The following CLDN10 variants were observed in gnomAD, a reference collection of about 807,000 sequenced individuals.
The protein encoded by CLDN10 is claudin-10.
In CLDN10, 15 loss-of-function variants were observed where a neutral mutation model predicts 22.9. The ratio of observed to expected loss-of-function variants is 0.65; its 90% CI spans 0.44 to 1.01. The LOEUF (loss-of-function observed/expected upper bound fraction) is 1.01. Among genes scored for constraint, CLDN10 ranks in the 50% least tolerant of loss-of-function variants. The pLI is 0.00. For missense variants in CLDN10, 247 were observed against 287.8 expected (o/e 0.86, Z 1.03); for synonymous variants, 114 against 111.4 (o/e 1.02, Z -0.15).
chr13:95,541,675 G>T (rs1594599457), intron 1 of CLDN10, among the ~76,000 whole-genome samples: 1 of 152,122 alleles, frequency 6.6e-6, no homozygotes, highest in East Asian at 1.9e-4. Context: ...TCACTTTTTA[G>T]ACGGGAAAAA....
chr13:95,535,740 T>C (rs1423400389), intron 1 of CLDN10, among the ~76,000 whole-genome samples: 4 of 151,688 alleles, frequency 2.6e-5, no homozygotes, highest in African/African-American at 7.3e-5. Flanking sequence ...GGAAAGACTG[T>C]GATGTGAAAA....
At chr13:95,528,388 G>GA (rs2043307303) in intron 1 of CLDN10, 1 of 152,256 alleles carries the variant, frequency 6.6e-6, no homozygotes, top group Non-Finnish European at 1.5e-5. Flanking sequence ...CCAGCCATGT[G>GA]GAACTGAGAA....
chr13:95,551,748 C>T (rs2043568962), upstream of CLDN10, among the ~76,000 whole-genome samples: 1 of 152,180 alleles, frequency 6.6e-6, no homozygotes, highest in Non-Finnish European at 1.5e-5. Flanking sequence ...TGTCCTTGTT[C>T]TCTCATTTAT....
At chr13:95,560,998 G>A (rs1442765216) in intron 3 of CLDN10, 1 of 153,026 alleles carries the variant, frequency 6.5e-6, no homozygotes, top group African/African-American at 2.4e-5. Flanking sequence ...TTACCCAAAT[G>A]TGGCTGGTCA....
At chr13:95,542,877 C>T (rs2043473313) in intron 1 of CLDN10, among the ~76,000 whole-genome samples, 1 of 152,130 alleles carries the variant, frequency 6.6e-6, no homozygotes, top group South Asian at 2.1e-4. Context: ...ATGGTAAAAA[C>T]TCACACTCAC....
intron 1 of CLDN10, among the ~76,000 whole-genome samples, chr13:95,499,129 T>C (rs1014206403): frequency 6.6e-6 from 1 of 152,244 alleles, no homozygotes; most frequent in Non-Finnish European, 1.5e-5. Flanking sequence ...AATCCGTCCA[T>C]GCCAGGAATA....
chr13:95,492,497 C>T (rs950649905), intron 1 of CLDN10, among the ~76,000 whole-genome samples: 3 of 152,028 alleles, frequency 2.0e-5, no homozygotes, highest in South Asian at 2.1e-4. Context: ...ACCGAAGGGT[C>T]GGCCTCACTC....
rs1161355669 is a variant in CLDN10, at chr13:95,579,464, A to AG, written c.*1451dup. The AG allele has an allele frequency of 6.6e-6, 1 of 152,258 alleles. No homozygotes were observed. Among genetic ancestry groups the AG allele is most frequent in the African/African-American group, 2.4e-5 (1 of 41,476 alleles). The allele number at this position is 152,258 out of a possible 1,614,324, so 9.4% of individuals were successfully genotyped here. A position where few individuals can be genotyped will look rare whatever the true frequency, so the allele number is the denominator to read the frequency against. On this transcript the variant is annotated 3_prime_UTR_variant, in exon 5 of 5. Coordinates refer to ENST00000299339, the MANE Select transcript of CLDN10 (RefSeq NM_006984.5). ...GTTTTCATCCTGCATTTACAGAAAA[A>AG]GAAATGAAAACAGAGAGCTTAAATA...
chr13:95,440,121 C>T (rs951403382), intron 1 of CLDN10, among the ~76,000 whole-genome samples: 1 of 151,886 alleles, frequency 6.6e-6, no homozygotes, highest in Non-Finnish European at 1.5e-5. Context: ...ACTATGTTGG[C>T]CAGGCTGGTC....
intron 1 of CLDN10, among the ~76,000 whole-genome samples, chr13:95,475,620 G>A (rs1302439923): frequency 2.0e-5 from 3 of 152,324 alleles, no homozygotes; most frequent in East Asian, 3.9e-4. Context: ...CTGGGCCCCT[G>A]GTGAGGGTGA....
Position 95,517,030 on chromosome 13 carries a change from C to T in CLDN10, c.215-43102C>T, listed in dbSNP as rs1273214659. 7.4e-5 allele frequency among the ~76,000 whole-genome samples: 11 copies of T among 148,650 alleles called. 1 individual carries two copies. In the Admixed American group the frequency reaches 7.4e-4, roughly 10 times the overall value. On this transcript the variant is annotated intron_variant, in intron 1 of 4. Transcript: ENST00000376873. ...TCCTTCCTTCCTTCCTTCCTCCCTC[C>T]CTCTCTCCCTTTTTTCTTTCTCTCT... is the stretch of plus-strand genomic sequence containing the variant.
At chr13:95,549,896 T>C (rs2043546356), upstream of CLDN10, among the ~76,000 whole-genome samples, 1 of 152,242 alleles carries the variant, frequency 6.6e-6, no homozygotes, top group Admixed American at 6.5e-5. Flanking sequence ...TGTGTTGCAA[T>C]CTCTACAGTA....
intron 1 of CLDN10, among the ~76,000 whole-genome samples, chr13:95,511,648 T>A (rs1337057932): frequency 1.1e-4 from 17 of 151,554 alleles, no homozygotes; most frequent in African/African-American, 4.1e-4. Context: ...TGGTTTTTGT[T>A]TGTTTGTGTT....
intron 1 of CLDN10, among the ~76,000 whole-genome samples, chr13:95,500,077 CA>C (rs147492410): frequency 0.077 from 11,796 of 152,240 alleles, 499 homozygotes; most frequent in Non-Finnish European, 0.086. Context: ...ACCCACCTAC[CA>C]ATTCATGTAG....
At chr13:95,554,527 G>A (rs1347499952) in intron 1 of CLDN10, among the ~76,000 whole-genome samples, 2 of 152,168 alleles carry the variant, frequency 1.3e-5, no homozygotes, top group African/African-American at 2.4e-5. Flanking sequence ...CGGGAGTGAA[G>A]AGGAAGTAGG....
At chr13:95,437,140 A>G (rs1173601347) in intron 1 of CLDN10, among the ~76,000 whole-genome samples, 1 of 152,080 alleles carries the variant, frequency 6.6e-6, no homozygotes. Context: ...CAGTGTAGCC[A>G]CAGCTTTTTA....
intron 1 of CLDN10, among the ~76,000 whole-genome samples, chr13:95,460,345 T>C (rs1166120891): frequency 2.8e-4 from 43 of 152,188 alleles, no homozygotes; most frequent in Non-Finnish European, 1.9e-4. Flanking sequence ...TGGTACCAAT[T>C]GACTGTATTA....
chr13:95,526,912 A>T (rs2043287590), intron 1 of CLDN10, among the ~76,000 whole-genome samples: 1 of 152,222 alleles, frequency 6.6e-6, no homozygotes, highest in Non-Finnish European at 1.5e-5. Flanking sequence ...TCCCTTCTTC[A>T]TTTGGAACAG....
upstream of CLDN10, among the ~76,000 whole-genome samples, chr13:95,549,793 G>A (rs973728010): frequency 1.3e-5 from 2 of 152,166 alleles, no homozygotes; most frequent in African/African-American, 4.8e-5. Flanking sequence ...ACCCTAGTCT[G>A]TTTTAGCTGC....
Sources: gnomAD v4.1 joint callset for allele counts (sites outside exome capture counted in the v4.1 genomes callset) on GRCh38, gnomAD v4.1.1 for gene constraint, MANE v1.5 for transcripts, NCBI Gene and HGNC (gene_info 2026-07-23, HGNC 2026-07-21) for gene names.